NPFFR2: variants seen among roughly 807,000 people sequenced by gnomAD.
The protein encoded by NPFFR2 is neuropeptide FF receptor 2.
A neutral mutation model predicts 13.1 loss-of-function variants in NPFFR2; 15 were observed. The observed-to-expected ratio is 1.15, with a 90% CI of 0.77 to 1.76. The LOEUF (loss-of-function observed/expected upper bound fraction) is 1.76, where lower values mean the gene tolerates loss of function less well. Ranked by LOEUF, NPFFR2 falls within the 40% of genes most tolerant of loss-of-function variation. The pLI is 0.00. For missense variants in NPFFR2, 572 were observed against 503.5 expected (o/e 1.14, Z -1.30); for synonymous variants, 190 against 175.7 (o/e 1.08, Z -0.65).
chr4:72,075,976 T>TACACACACACACACACACAC (rs1025719017), intron 1 of NPFFR2, among the ~76,000 whole-genome samples: 2 of 83,074 alleles, frequency 2.4e-5, no homozygotes, highest in African/African-American at 9.3e-5. Flanking sequence ...CACACACACA[T>TACACACACACACACACACAC]ACACACACAC....
At chr4:72,127,718 C>G (rs1453290980) in intron 1 of NPFFR2, among the ~76,000 whole-genome samples, 1 of 151,934 alleles carries the variant, frequency 6.6e-6, no homozygotes, top group African/African-American at 2.4e-5. Context: ...GAAACCAAGA[C>G]AAGTAACCTA....
Position 72,128,690 on chromosome 4 carries a change from C to A in NPFFR2, c.99C>A (p.Thr33=), listed in dbSNP as rs1722142641. Residue 33 remains threonine (T), a synonymous_variant, in exon 2 of 4, where the codon ACC becomes ACA. Coordinates refer to ENST00000308744, the MANE Select transcript of NPFFR2 (RefSeq NM_004885.3). The stretch of plus-strand genomic sequence containing the variant: ...ATCTGTACTCAGATATTAATATTAC[C>A]TATGTGAACTACTATCTTCACCAGC... ...KHHLYSDINI[T]YVNYYLHQPQ... The A allele has an allele frequency of 6.2e-7, 1 of 1,613,154 alleles. No homozygotes were observed. The highest frequency in any genetic ancestry group is 1.3e-5 in the African/African-American group (1 of 74,894).
At chr4:72,051,915 G>A (rs370169595) in intron 1 of NPFFR2, among the ~76,000 whole-genome samples, 3 of 146,016 alleles carry the variant, frequency 2.1e-5, no homozygotes, top group Non-Finnish European at 4.6e-5. Context: ...TAAATTCCTC[G>A]ACACATACAC....
intron 1 of NPFFR2, chr4:72,068,858 T>TAA: frequency 3.4e-6 from 1 of 291,354 alleles, no homozygotes; most frequent in Non-Finnish European, 5.9e-6. Flanking sequence ...TTTTTTATCT[T>TAA]ATCTTTTTTC....
intron 1 of NPFFR2, among the ~76,000 whole-genome samples, chr4:72,119,400 A>G (rs1307628641): frequency 2.6e-5 from 4 of 152,248 alleles, no homozygotes; most frequent in Admixed American, 1.3e-4. Flanking sequence ...TTATAATACT[A>G]TTAAATGCAA....
chr4:72,138,291 T>G (rs1722482055), intron 3 of NPFFR2, 152 bp downstream of exon 3: 1 of 619,960 alleles, frequency 1.6e-6, no homozygotes, highest in Admixed American at 2.9e-5. Context: ...CTTTAAGTTC[T>G]AGGGTACATG....
intron 1 of NPFFR2, among the ~76,000 whole-genome samples, chr4:72,069,801 C>T (rs1034582009): frequency 1.5e-4 from 23 of 152,064 alleles, no homozygotes; most frequent in African/African-American, 5.5e-4. Context: ...ATATGTTCAA[C>T]CTAGTAATAA....
chr4:72,084,442 A>G (rs143168336), intron 1 of NPFFR2, among the ~76,000 whole-genome samples: 29 of 152,340 alleles, frequency 1.9e-4, no homozygotes, highest in Middle Eastern at 6.8e-3. Flanking sequence ...AGGAACTTAG[A>G]AGTTGAGACT....
At chr4:72,143,400 G>C (rs1482914560) in intron 3 of NPFFR2, among the ~76,000 whole-genome samples, 2 of 152,114 alleles carry the variant, frequency 1.3e-5, no homozygotes, top group Non-Finnish European at 2.9e-5. Flanking sequence ...GTGGGCAGGA[G>C]AATATGATAT....
intron 3 of NPFFR2, among the ~76,000 whole-genome samples, chr4:72,146,194 G>A (rs1470023541): frequency 6.6e-6 from 1 of 152,178 alleles, no homozygotes; most frequent in Non-Finnish European, 1.5e-5. Flanking sequence ...CCTGCTCCAT[G>A]TGTTATAACT....
At chr4:72,133,964 A>T (rs1415514953) in intron 2 of NPFFR2, among the ~76,000 whole-genome samples, 1 of 152,156 alleles carries the variant, frequency 6.6e-6, no homozygotes, top group East Asian at 1.9e-4. Context: ...AAGTTCTTGC[A>T]TACAAATTAC....
At chr4:72,107,572 G>A (rs1228572268) in intron 1 of NPFFR2, among the ~76,000 whole-genome samples, 1 of 151,896 alleles carries the variant, frequency 6.6e-6, no homozygotes, top group Non-Finnish European at 1.5e-5. Context: ...TAAATGGACT[G>A]ACATGTATAA....
At chr4:72,040,357 C>T (rs1165850680) in intron 1 of NPFFR2, among the ~76,000 whole-genome samples, 1 of 152,100 alleles carries the variant, frequency 6.6e-6, no homozygotes, top group Non-Finnish European at 1.5e-5. Flanking sequence ...CCAACTTTCA[C>T]TTCTTCCAAA....
chr4:72,120,107 C>G (rs1462377722), intron 1 of NPFFR2, among the ~76,000 whole-genome samples: 2 of 152,136 alleles, frequency 1.3e-5, no homozygotes, highest in East Asian at 3.9e-4. Flanking sequence ...GGGACGTCCA[C>G]CATTACTGAG....
At chr4:72,127,360 C>CTTTTT (rs1186710740) in intron 1 of NPFFR2, among the ~76,000 whole-genome samples, 6 of 66,912 alleles carry the variant, frequency 9.0e-5, no homozygotes, top group African/African-American at 1.2e-4. Context: ...AATTTCTTTT[C>CTTTTT]TTTTTTTTTT....
chr4:72,072,062 C>A (rs573472942), intron 1 of NPFFR2, among the ~76,000 whole-genome samples: 2 of 152,184 alleles, frequency 1.3e-5, no homozygotes, highest in South Asian at 2.1e-4. Flanking sequence ...CTACAACAAT[C>A]AAGAAACAAC....
intron 1 of NPFFR2, among the ~76,000 whole-genome samples, chr4:72,068,407 C>A (rs1465537068): frequency 6.6e-6 from 1 of 152,140 alleles, no homozygotes; most frequent in Non-Finnish European, 1.5e-5. Flanking sequence ...AAGGCTTAGT[C>A]CCATTTATTA....
intron 1 of NPFFR2, among the ~76,000 whole-genome samples, chr4:72,057,342 A>T (rs1719782820): frequency 6.6e-6 from 1 of 151,962 alleles, no homozygotes; most frequent in Non-Finnish European, 1.5e-5. Context: ...ATTTTCTCAC[A>T]GTTCCAGAGG....
At chr4:72,139,417 T>C (rs1304957499) in intron 3 of NPFFR2, among the ~76,000 whole-genome samples, 1 of 152,202 alleles carries the variant, frequency 6.6e-6, no homozygotes, top group African/African-American at 2.4e-5. Flanking sequence ...CTTTAATCCA[T>C]CTTGAATTAA....
Sources: allele counts gnomAD v4.1 joint callset (sites outside exome capture counted in the v4.1 genomes callset), GRCh38; gene constraint gnomAD v4.1.1; transcripts MANE v1.5; gene names NCBI Gene and HGNC (gene_info 2026-07-23, HGNC 2026-07-21).